The following ZNF652 variants were observed in gnomAD, a reference collection of about 807,000 sequenced individuals.
ZNF652 encodes the protein zinc finger protein 652.
Under a neutral mutation model 45.2 loss-of-function variants are expected in ZNF652, and 16 were observed. That is an observed-to-expected ratio of 0.35 (90% CI 0.24 to 0.54). The LOEUF is 0.54. Ranked by LOEUF, ZNF652 falls within the 20% of genes least tolerant of loss-of-function variation. ZNF652 has a pLI of 0.91. For synonymous variants in ZNF652, 250 were observed against 260.6 expected (o/e 0.96, Z 0.39); for missense variants, 614 against 765.6 (o/e 0.80, Z 2.34).
At position 49,348,737 on chromosome 17, in the gene ZNF652, G is replaced by C. The variant is rs76943931; in HGVS notation, c.-259+13172C>G. On this transcript the variant is annotated intron_variant, in intron 1 of 5. Transcript: ENST00000430262. The stretch of plus-strand genomic sequence containing the variant: ...TATAAATAATATGATGTCTGGAGTT[G>C]CTTTAAAATGAGAGGGGACAGGTAG... 5.5e-3 allele frequency among the ~76,000 whole-genome samples: 835 copies of C among 152,206 alleles called. 3 individuals are homozygous for C. Among genetic ancestry groups the C allele is most frequent in the African/African-American group, 0.019 (795 of 41,506 alleles).
At chr17:49,312,608 A>G in intron 3 of ZNF652, 90 bp downstream of exon 3, 1 of 1,419,198 alleles carries the variant, frequency 7.0e-7, no homozygotes, top group Non-Finnish European at 9.6e-7. Flanking sequence ...TGATTAGGGC[A>G]ATTCCTCATA....
chr17:49,358,771 GAT>G (rs1229300939), intron 1 of ZNF652, among the ~76,000 whole-genome samples: 3 of 152,190 alleles, frequency 2.0e-5, no homozygotes, highest in Non-Finnish European at 4.4e-5. Flanking sequence ...TCACGAATCA[GAT>G]CTTGAGACCA....
rs779311954 is a variant in ZNF652 at position 49,298,454 on chromosome 17, G to A, written c.1780C>T (p.Arg594Trp). ...GAACTGTTCTTCTCTGCCAGGTGCC[G>A]CAGAAAGTTGTCCTCACTCTGGCCT... is the stretch of plus-strand genomic sequence containing the variant. ...HRGQSEDNFL[R>W]HLAEKNSSAQ... Residue 594 changes from arginine (R) to tryptophan (W), a missense_variant, in exon 6 of 6, where the codon CGG (arginine) becomes TGG (tryptophan). Arg to Trp is a moderately radical substitution (Grantham distance 101). Around this residue, in one of 5 missense-constraint regions of ZNF652, gnomAD observed 132 missense variants for 137.2 expected, o/e 0.96. Transcript: ENST00000430262. 6.8e-6 allele frequency: 11 copies of A among 1,612,924 alleles called. No homozygotes were observed. Among genetic ancestry groups the A allele is most frequent in the African/African-American group, 2.7e-5 (2 of 74,984 alleles).
chr17:49,354,388 T>G (rs954632358), intron 1 of ZNF652, among the ~76,000 whole-genome samples: 1 of 152,096 alleles, frequency 6.6e-6, no homozygotes, highest in Non-Finnish European at 1.5e-5. Context: ...GCTTTTTCTC[T>G]TTGTAGAATA....
intron 1 of ZNF652, among the ~76,000 whole-genome samples, chr17:49,358,360 T>C (rs1350163516): frequency 6.6e-6 from 1 of 152,160 alleles, no homozygotes; most frequent in Non-Finnish European, 1.5e-5. Context: ...GAGAAAAATA[T>C]CACACCTAAA....
intron 1 of ZNF652, among the ~76,000 whole-genome samples, chr17:49,323,018 T>G (rs2069915209): frequency 6.6e-6 from 1 of 152,216 alleles, no homozygotes. Flanking sequence ...TGCTGAAGGC[T>G]GGGGTGGCTG....
At chr17:49,358,173 T>G (rs1042906253) in intron 1 of ZNF652, among the ~76,000 whole-genome samples, 6 of 152,196 alleles carry the variant, frequency 3.9e-5, no homozygotes, top group Non-Finnish European at 7.3e-5. Context: ...AAGTGACTTG[T>G]TCAATATCAT....
intron 1 of ZNF652, among the ~76,000 whole-genome samples, chr17:49,343,340 T>G (rs1245055579): frequency 6.6e-6 from 1 of 152,238 alleles, no homozygotes; most frequent in Non-Finnish European, 1.5e-5. Flanking sequence ...GAGAAGTTAC[T>G]TTTAGGATAT....
At chr17:49,315,935 A>C (rs2069797683) in intron 2 of ZNF652, among the ~76,000 whole-genome samples, 1 of 152,238 alleles carries the variant, frequency 6.6e-6, no homozygotes, top group African/African-American at 2.4e-5. Flanking sequence ...CCAATATTAG[A>C]AGCACACCAA....
chr17:49,309,600 C>G (rs983949998), intron 5 of ZNF652, among the ~76,000 whole-genome samples: 3 of 151,882 alleles, frequency 2.0e-5, no homozygotes, highest in Non-Finnish European at 2.9e-5. Flanking sequence ...ACAAAAAAAC[C>G]TGAACCCTAA....
At position 49,294,648 on chromosome 17, in the gene ZNF652, A is replaced by C. The variant is rs781481863; in HGVS notation, c.*3765T>G. The C allele has an allele frequency of 6.6e-6, 1 of 152,218 alleles. No individual in the cohort carries two copies. The highest frequency in any genetic ancestry group is 1.5e-5 in the Non-Finnish European group (1 of 68,042). The allele number at this position is 152,218 out of a possible 1,614,324, so 9.4% of individuals were successfully genotyped here. On this transcript the variant is annotated 3_prime_UTR_variant, in exon 6 of 6. Coordinates refer to ENST00000430262, the MANE Select transcript of ZNF652 (RefSeq NM_001145365.3). Reference sequence around the variant, plus strand: ...TCTATGAGAGAAAATAGAAAAATAAAAACGAAACAAATACAAACCAACCCA... The same window carrying C: ...TCTATGAGAGAAAATAGAAAAATAACAACGAAACAAATACAAACCAACCCA...
chr17:49,312,519 C>T (rs553969033), intron 3 of ZNF652, among the ~76,000 whole-genome samples, 179 bp downstream of exon 3: 2 of 152,146 alleles, frequency 1.3e-5, no homozygotes, highest in East Asian at 3.9e-4. Flanking sequence ...GAAAAGAAAG[C>T]TGGGTGTGGA....
chr17:49,340,574 A>G, intron 1 of ZNF652, among the ~76,000 whole-genome samples: 1 of 119,572 alleles, frequency 8.4e-6, no homozygotes, highest in Admixed American at 8.0e-5. Flanking sequence ...AAAAAAAAGA[A>G]AGAAAGAAAA....
chr17:49,336,755 T>C (rs572840238), intron 1 of ZNF652, among the ~76,000 whole-genome samples: 7 of 151,894 alleles, frequency 4.6e-5, no homozygotes, highest in African/African-American at 1.7e-4. Flanking sequence ...GCCTCCTGAG[T>C]TGCCGGGATT....
At chr17:49,347,131 C>T (rs1036206908) in intron 1 of ZNF652, among the ~76,000 whole-genome samples, 2 of 152,156 alleles carry the variant, frequency 1.3e-5, no homozygotes, top group African/African-American at 4.8e-5. Context: ...CTAAGACAGC[C>T]AACTCATTCT....
chr17:49,339,348 T>G (rs972184822), intron 1 of ZNF652, among the ~76,000 whole-genome samples: 1 of 149,456 alleles, frequency 6.7e-6, no homozygotes, highest in African/African-American at 2.5e-5. Context: ...TATTTTCCAT[T>G]TAATGCCCCC....
rs184709965 is a variant in ZNF652, at chr17:49,343,538, C to A, written c.-259+18371G>T. Among the ~76,000 whole-genome samples, 19 of 151,972 alleles carry A rather than the reference C, an allele frequency of 1.3e-4. No homozygotes were observed. In the East Asian group the frequency reaches 3.7e-3, roughly 29 times the overall value. ...GTGGGGAGATGATTTTATACAATAT[C>A]TTTCTTAATCTAAAGGAAACCACAG... On this transcript the variant is annotated intron_variant, in intron 1 of 5. Transcript: ENST00000430262.
intron 1 of ZNF652, among the ~76,000 whole-genome samples, chr17:49,350,414 C>T (rs1046488327): frequency 6.6e-6 from 1 of 151,694 alleles, no homozygotes; most frequent in African/African-American, 2.4e-5. Flanking sequence ...TGATGCGTGC[C>T]TGTAATCCCA....
intron 5 of ZNF652, among the ~76,000 whole-genome samples, chr17:49,310,951 C>T (rs926839634): frequency 6.6e-6 from 1 of 152,100 alleles, no homozygotes; most frequent in Non-Finnish European, 1.5e-5. Flanking sequence ...TCTATTAAAG[C>T]AGTCAGTGTC....
Sources: allele counts gnomAD v4.1 joint callset (sites outside exome capture counted in the v4.1 genomes callset), GRCh38; gene constraint gnomAD v4.1.1; regional missense constraint gnomAD v4.1.1; transcripts MANE v1.5; gene names NCBI Gene and HGNC (gene_info 2026-07-23, HGNC 2026-07-21).